FRMD4A: variants seen among roughly 807,000 people sequenced by gnomAD.
FRMD4A encodes the protein FERM domain-containing protein 4A.
In FRMD4A, 29 loss-of-function variants were observed where a neutral mutation model predicts 129.1. The ratio of observed to expected loss-of-function variants is 0.22; its 90% CI spans 0.17 to 0.31. The LOEUF (loss-of-function observed/expected upper bound fraction) is 0.31. Ranked by LOEUF, FRMD4A falls within the 10% of genes least tolerant of loss-of-function variation. The probability of loss-of-function intolerance (pLI) is 1.00; values close to 1 mark genes in which losing one functional copy is unlikely to be tolerated. For missense variants in FRMD4A, 1,272 were observed against 1,375.8 expected (o/e 0.92, Z 1.19); for synonymous variants, 634 against 571.6 (o/e 1.11, Z -1.56).
intron 2 of FRMD4A, among the ~76,000 whole-genome samples, chr10:14,108,782 G>A (rs1837717613): frequency 6.6e-6 from 1 of 152,050 alleles, no homozygotes; most frequent in Non-Finnish European, 1.5e-5. Flanking sequence ...ATTCCTGAAG[G>A]GCAGGGATAA....
At chr10:13,781,541 C>T (rs2092735714) in intron 6 of FRMD4A, among the ~76,000 whole-genome samples, 1 of 151,744 alleles carries the variant, frequency 6.6e-6, no homozygotes, top group Non-Finnish European at 1.5e-5. Flanking sequence ...CCACATCTGG[C>T]TAATTTTTGT....
rs114270286 is a variant in FRMD4A at position 13,645,185 on chromosome 10, G to A, written c.*1853C>T. 60 of 152,306 alleles carry A rather than the reference G, an allele frequency of 3.9e-4. No homozygotes were observed. Among genetic ancestry groups the A allele is most frequent in the African/African-American group, 1.4e-3 (59 of 41,562 alleles). The allele number at this position is 152,306 out of a possible 1,614,324, so 9.4% of individuals were successfully genotyped here. A position where few individuals can be genotyped will look rare whatever the true frequency, so the allele number is the denominator to read the frequency against. On this transcript the variant is annotated 3_prime_UTR_variant, in exon 25 of 25. Coordinates refer to ENST00000357447, the MANE Select transcript of FRMD4A (RefSeq NM_018027.5). ...ATCCTTACCCTTCTGGTCTGGTAGA[G>A]CCTATGGTTATTCTTGGATTCCACA... is the stretch of plus-strand genomic sequence containing the variant.
intron 2 of FRMD4A, among the ~76,000 whole-genome samples, chr10:13,956,628 G>T (rs894743567): frequency 6.6e-6 from 1 of 152,190 alleles, no homozygotes; most frequent in African/African-American, 2.4e-5. Flanking sequence ...TCTTGTGTAC[G>T]CCATGATGCT....
chr10:14,088,298 T>C (rs1474801349), intron 2 of FRMD4A, among the ~76,000 whole-genome samples: 7 of 151,566 alleles, frequency 4.6e-5, no homozygotes, highest in Non-Finnish European at 7.4e-5. Flanking sequence ...AAAACGACAT[T>C]TAGCGGGCTG....
intron 2 of FRMD4A, among the ~76,000 whole-genome samples, chr10:14,220,299 G>T (rs1292036894): frequency 6.6e-6 from 1 of 152,228 alleles, no homozygotes; most frequent in African/African-American, 2.4e-5. Context: ...CCCACTTCGG[G>T]AAACAGCTCT....
intron 2 of FRMD4A, among the ~76,000 whole-genome samples, chr10:13,958,674 C>T (rs1315558595): frequency 6.6e-6 from 1 of 151,918 alleles, no homozygotes; most frequent in African/African-American, 2.4e-5. Flanking sequence ...CAACCTCCGC[C>T]TCCCAGGTTT....
At chr10:14,000,492 C>T (rs2095637926) in intron 2 of FRMD4A, among the ~76,000 whole-genome samples, 1 of 151,386 alleles carries the variant, frequency 6.6e-6, no homozygotes. Flanking sequence ...ACTAAAAATA[C>T]AAAAATTAGC....
chr10:13,962,657 A>G (rs548833336), intron 2 of FRMD4A, among the ~76,000 whole-genome samples: 15 of 152,326 alleles, frequency 9.8e-5, no homozygotes, highest in African/African-American at 2.6e-4. Context: ...TTCCAGTGGG[A>G]TTACTATTCC....
intron 2 of FRMD4A, among the ~76,000 whole-genome samples, chr10:14,280,982 ATTTTTTTTT>A (rs772555677): frequency 5.7e-4 from 44 of 76,562 alleles, no homozygotes; most frequent in African/African-American, 1.9e-3. Flanking sequence ...ACTGGTTTCA[ATTTTTTTTT>A]TTTTTTTTTT....
intron 2 of FRMD4A, among the ~76,000 whole-genome samples, chr10:14,184,787 A>T (rs1424627885): frequency 6.6e-6 from 1 of 152,200 alleles, no homozygotes; most frequent in Non-Finnish European, 1.5e-5. Context: ...AGTTTGGAGA[A>T]TAAAGGCGCA....
intron 2 of FRMD4A, among the ~76,000 whole-genome samples, chr10:14,324,912 C>T (rs1843209806): frequency 1.3e-5 from 2 of 152,200 alleles, no homozygotes. Flanking sequence ...CTGCCTGCCT[C>T]AGCTTCCCAA....
intron 8 of FRMD4A, among the ~76,000 whole-genome samples, chr10:13,753,408 T>C (rs1439400724): frequency 2.0e-5 from 3 of 152,198 alleles, no homozygotes; most frequent in Admixed American, 6.6e-5. Flanking sequence ...AGGGAATCAC[T>C]TGGAGGCCCC....
At chr10:14,035,197 G>C (rs1157741116) in intron 2 of FRMD4A, among the ~76,000 whole-genome samples, 1 of 152,142 alleles carries the variant, frequency 6.6e-6, no homozygotes, top group East Asian at 1.9e-4. Context: ...TGGATCGCCT[G>C]AGGTCAGGAG....
intron 2 of FRMD4A, among the ~76,000 whole-genome samples, chr10:13,882,847 A>G (rs1456456374): frequency 6.0e-5 from 9 of 148,782 alleles, no homozygotes; most frequent in Non-Finnish European, 7.4e-5. Flanking sequence ...TCTGTCACCC[A>G]GGCTGGAGTG....
chr10:14,049,052 G>GA (rs1834133162), intron 2 of FRMD4A, among the ~76,000 whole-genome samples: 1 of 152,192 alleles, frequency 6.6e-6, no homozygotes, highest in Admixed American at 6.5e-5. Flanking sequence ...AACTCCAGAG[G>GA]CTTGGAGAAT....
At chr10:14,112,943 A>C (rs1181482386) in intron 2 of FRMD4A, among the ~76,000 whole-genome samples, 1 of 152,152 alleles carries the variant, frequency 6.6e-6, no homozygotes, top group East Asian at 1.9e-4. Flanking sequence ...TTATTAAATA[A>C]TGGCTCGGTG....
intron 2 of FRMD4A, among the ~76,000 whole-genome samples, chr10:13,990,413 G>A (rs2095599230): frequency 1.3e-5 from 2 of 152,182 alleles, no homozygotes; most frequent in African/African-American, 4.8e-5. Flanking sequence ...CTTCTTTCCA[G>A]GGTCCTGGCC....
chr10:13,837,212 C>T (rs557276317), intron 3 of FRMD4A, among the ~76,000 whole-genome samples: 1 of 152,300 alleles, frequency 6.6e-6, no homozygotes, highest in South Asian at 2.1e-4. Context: ...AAGGGGGTTG[C>T]TCTTTGAGAC....
Position 13,948,635 on chromosome 10 carries a change from C to A in FRMD4A, c.46-89723G>T, listed in dbSNP as rs1282767375. Among the ~76,000 whole-genome samples, 11 of 142,086 alleles carry A rather than the reference C, an allele frequency of 7.7e-5. No individual in the cohort carries two copies. The Admixed American group carries it at 8.6e-4, about 11-fold the overall frequency. The allele number at this position is 142,086 out of a possible 152,430, so 93.2% of individuals were successfully genotyped here. ...TGGGGATGAGGAGAATTGATAAGCC[C>A]ATGGAAAAGAGGATTTTTTTTTTTT... On this transcript the variant is annotated intron_variant, in intron 2 of 24. Coordinates refer to ENST00000357447, the MANE Select transcript of FRMD4A (RefSeq NM_018027.5).
Sources: gnomAD v4.1 joint callset for allele counts (sites outside exome capture counted in the v4.1 genomes callset) on GRCh38, gnomAD v4.1.1 for gene constraint, MANE v1.5 for transcripts, NCBI Gene and HGNC (gene_info 2026-07-23, HGNC 2026-07-21) for gene names.